Variants in PCDHGA6 observed in about 807,000 individuals in gnomAD.
PCDHGA6 encodes the protein protocadherin gamma-A6.
A neutral mutation model predicts 60.6 loss-of-function variants in PCDHGA6; 41 were observed. The observed-to-expected ratio is 0.68, with a 90% CI of 0.53 to 0.88. PCDHGA6 has a LOEUF of 0.88. PCDHGA6 is among the 40% of genes least tolerant of loss of function. The probability of loss-of-function intolerance (pLI) is 0.00; values close to 1 mark genes in which losing one functional copy is unlikely to be tolerated. For synonymous variants in PCDHGA6, 594 were observed against 524.4 expected (o/e 1.13, Z -1.81); for missense variants, 1,312 against 1,203.0 (o/e 1.09, Z -1.34).
intron 1 of PCDHGA6, among the ~76,000 whole-genome samples, chr5:141,463,088 C>T (rs768488458): frequency 6.6e-6 from 1 of 152,108 alleles, no homozygotes; most frequent in Non-Finnish European, 1.5e-5. Flanking sequence ...ATTTTCCAGC[C>T]CTATGTGACC....
chr5:141,456,773 G>A (rs1178932462), intron 1 of PCDHGA6, among the ~76,000 whole-genome samples: 6 of 151,980 alleles, frequency 3.9e-5, no homozygotes, highest in African/African-American at 1.2e-4. Context: ...GACCAGCCTG[G>A]CCTACATGGC....
chr5:141,409,734 G>C (rs1278458472), intron 1 of PCDHGA6: 2 of 1,613,144 alleles, frequency 1.2e-6, no homozygotes, highest in Admixed American at 3.3e-5. Flanking sequence ...AGCGCGCAGA[G>C]CGGGGTGGTG....
rs369141362 is a variant in PCDHGA6 at position 141,404,800 on chromosome 5, C to T, written c.2424+28293C>T. The T allele has an allele frequency of 1.8e-5, 29 of 1,613,852 alleles. No homozygotes were observed. The Admixed American group carries it at 3.3e-4, about 19-fold the overall frequency. On this transcript the variant is annotated intron_variant, in intron 1 of 3. Transcript: ENST00000517434. ...TATTCAAGGCCAGTGAGCCAGGGCT[C>T]TTCTCGGTGGGGCTGCACACAGGTG... is the stretch of plus-strand genomic sequence containing the variant.
intron 1 of PCDHGA6, chr5:141,394,606 C>T (rs747606142): frequency 3.1e-6 from 5 of 1,613,486 alleles, no homozygotes; most frequent in Admixed American, 1.7e-5. Context: ...GACAGAGACT[C>T]GGGCCAGAAC....
intron 1 of PCDHGA6, among the ~76,000 whole-genome samples, chr5:141,483,310 A>G (rs2099579870): frequency 6.6e-6 from 1 of 152,156 alleles, no homozygotes; most frequent in African/African-American, 2.4e-5. Context: ...GACTGGGGAC[A>G]TTGGGACTGG....
intron 1 of PCDHGA6, among the ~76,000 whole-genome samples, chr5:141,448,871 G>A (rs1326162054): frequency 6.6e-6 from 1 of 152,148 alleles, no homozygotes; most frequent in Non-Finnish European, 1.5e-5. Flanking sequence ...CGTGAACCTG[G>A]GAGGCGGAGC....
chr5:141,421,251 G>C (rs771398829), intron 1 of PCDHGA6: 1 of 1,606,888 alleles, frequency 6.2e-7, no homozygotes, highest in Non-Finnish European at 8.5e-7. Context: ...TACAGCGCGG[G>C]GACCGCAGTC....
intron 1 of PCDHGA6, chr5:141,402,822 C>G (rs1038768509): frequency 7.7e-7 from 1 of 1,302,260 alleles, no homozygotes; most frequent in African/African-American, 1.5e-5. Flanking sequence ...CAAACCTGCT[C>G]CCAGGCTGCA....
chr5:141,407,982 G>A (rs976187867), intron 1 of PCDHGA6: 3 of 782,892 alleles, frequency 3.8e-6, no homozygotes, highest in Non-Finnish European at 5.7e-6. Context: ...CCGGGGATCC[G>A]TCAGCCTCTG....
intron 1 of PCDHGA6, among the ~76,000 whole-genome samples, chr5:141,446,698 G>A (rs750413432): frequency 2.0e-5 from 3 of 152,186 alleles, no homozygotes; most frequent in Admixed American, 6.5e-5. Flanking sequence ...GGCTGGTCTC[G>A]AACTCTGATC....
intron 1 of PCDHGA6, chr5:141,414,399 GGTGATAC>G (rs1297009673): frequency 6.2e-7 from 1 of 1,613,846 alleles, no homozygotes; most frequent in South Asian, 1.1e-5. Flanking sequence ...ATTACAGATT[GGTGATAC>G]ACAGAGCCCT....
At chr5:141,466,684 G>A (rs1337230884) in intron 1 of PCDHGA6, among the ~76,000 whole-genome samples, 1 of 152,034 alleles carries the variant, frequency 6.6e-6, no homozygotes, top group Non-Finnish European at 1.5e-5. Flanking sequence ...TTCCACTCAA[G>A]CTTCATCATA....
intron 2 of PCDHGA6, among the ~76,000 whole-genome samples, chr5:141,502,654 C>G (rs1424933188): frequency 6.6e-6 from 1 of 152,112 alleles, no homozygotes; most frequent in African/African-American, 2.4e-5. Context: ...TAGGCAGCAA[C>G]CCTTCATGCA....
intron 1 of PCDHGA6, among the ~76,000 whole-genome samples, chr5:141,402,517 G>A (rs2094277430): frequency 6.6e-6 from 1 of 152,024 alleles, no homozygotes; most frequent in African/African-American, 2.4e-5. Context: ...ATTAAGCAAT[G>A]GTTTGTGATT....
rs1306500688 is a variant in PCDHGA6 at position 141,491,142 on chromosome 5, A to T, written c.2425-3665A>T. ...GTGAGGTGCGCACAGCCCGGGCCTTACTGGAGGATGACTCTGACACCCAGC... is the reference window on the plus strand; with the variant it reads ...GTGAGGTGCGCACAGCCCGGGCCTTTCTGGAGGATGACTCTGACACCCAGC... On this transcript the variant is annotated intron_variant, in intron 1 of 3. Coordinates refer to ENST00000517434, the MANE Select transcript of PCDHGA6 (RefSeq NM_018919.3). This position sits in a 1 kb window ranked among gnomAD's most constrained non-coding sequence, Gnocchi z 6.9. 6.2e-7 allele frequency: 1 copy of T among 1,614,090 alleles called. No homozygotes were observed. Among genetic ancestry groups the T allele is most frequent in the Non-Finnish European group, 8.5e-7 (1 of 1,179,976 alleles).
Position 141,393,514 on chromosome 5 carries a change from A to T in PCDHGA6, c.2424+17007A>T, listed in dbSNP as rs72492419. 17 of 1,613,912 alleles carry T rather than the reference A, an allele frequency of 1.1e-5. No individual in the cohort carries two copies. In the East Asian group the frequency reaches 3.8e-4, roughly 36 times the overall value. Reference sequence around the variant, plus strand: ...GTGCGCATCCACGTGACAGTGTTGGATACAAATGACAATGCCCCGGTTTTT... The same window carrying T: ...GTGCGCATCCACGTGACAGTGTTGGTTACAAATGACAATGCCCCGGTTTTT... On this transcript the variant is annotated intron_variant, in intron 1 of 3. Coordinates refer to ENST00000517434, the MANE Select transcript of PCDHGA6 (RefSeq NM_018919.3).
Position 141,487,665 on chromosome 5 carries a change from G to T in PCDHGA6, c.2425-7142G>T, listed in dbSNP as rs373971935. 8.7e-5 allele frequency: 141 copies of T among 1,612,724 alleles called. No individual in the cohort carries two copies. The highest frequency in any genetic ancestry group is 1.1e-4 in the Non-Finnish European group (135 of 1,179,392). On this transcript the variant is annotated intron_variant, in intron 1 of 3. Coordinates refer to ENST00000517434, the MANE Select transcript of PCDHGA6 (RefSeq NM_018919.3). The surrounding 1 kb of genome is among the most constrained non-coding windows in gnomAD (Gnocchi z 5.0). ...ATGCTTGAGGGTTATTCTGATCCAG[G>T]CATATGGCTAGGCCATGTCCTAGAG...
Position 141,373,974 on chromosome 5 carries a change from C to G in PCDHGA6, c.-110C>G. 1.9e-6 allele frequency: 2 copies of G among 1,051,508 alleles called. No homozygotes were observed. The highest frequency in any genetic ancestry group is 2.6e-6 in the Non-Finnish European group (2 of 773,744). The allele number at this position is 1,051,508 out of a possible 1,614,324, so 65.1% of individuals were successfully genotyped here. A position where few individuals can be genotyped will look rare whatever the true frequency, so the allele number is the denominator to read the frequency against. ...AATTCTGACCTGAAACGCTTCGCATCCGGTCTCTGCTTGTTGAAGGACCTT... is the reference window on the plus strand; with the variant it reads ...AATTCTGACCTGAAACGCTTCGCATGCGGTCTCTGCTTGTTGAAGGACCTT... On this transcript the variant is annotated 5_prime_UTR_variant, in exon 1 of 4. It adds an upstream start codon to the 5' untranslated region. Coordinates refer to ENST00000517434, the MANE Select transcript of PCDHGA6 (RefSeq NM_018919.3).
chr5:141,496,234 T>C (rs2154591884), intron 2 of PCDHGA6, among the ~76,000 whole-genome samples: 1 of 152,232 alleles, frequency 6.6e-6, no homozygotes, highest in Middle Eastern at 3.4e-3. Context: ...AGGAACCCCC[T>C]GCGGGCTGAA....
Sources: allele counts gnomAD v4.1 joint callset (sites outside exome capture counted in the v4.1 genomes callset), GRCh38; gene constraint gnomAD v4.1.1; non-coding constraint Gnocchi (gnomAD v3.1); transcripts MANE v1.5; gene names NCBI Gene and HGNC (gene_info 2026-07-23, HGNC 2026-07-21).